The following C18orf63 variants were observed in gnomAD, a reference collection of about 807,000 sequenced individuals.
C18orf63 encodes uncharacterized protein C18orf63.
Under a neutral mutation model 75.3 loss-of-function variants are expected in C18orf63, and 50 were observed. That is an observed-to-expected ratio of 0.66 (90% CI 0.53 to 0.84). The LOEUF is 0.84. Among genes scored for constraint, C18orf63 ranks in the 40% least tolerant of loss-of-function variants. The pLI is 0.00. For synonymous variants in C18orf63, 232 were observed against 267.6 expected, an observed-to-expected ratio of 0.87 and a Z score of 1.30; for missense variants, 732 against 800.2, an observed-to-expected ratio of 0.91 and a Z score of 1.03.
At chr18:74,349,070 T>C (rs1984622093) in intron 11 of C18orf63, among the ~76,000 whole-genome samples, 1 of 152,212 alleles carries the variant, frequency 6.6e-6, no homozygotes, top group African/African-American at 2.4e-5. Flanking sequence ...AATCTGCCTA[T>C]GAGTTTTCTT....
At chr18:74,325,163 T>A (rs537031886) in intron 4 of C18orf63, among the ~76,000 whole-genome samples, 1 of 152,310 alleles carries the variant, frequency 6.6e-6, no homozygotes, top group South Asian at 2.1e-4. Flanking sequence ...TTTCTTTGTT[T>A]TGTAATATAG....
At chr18:74,348,960 A>G (rs2145130632) in intron 11 of C18orf63, among the ~76,000 whole-genome samples, 1 of 152,372 alleles carries the variant, frequency 6.6e-6, no homozygotes, top group Non-Finnish European at 1.5e-5. Flanking sequence ...TATTTCCAAA[A>G]GACAGCTGAA....
chr18:74,351,322 C>CAATACTCCTCCCATTGAGGTATGGGT (rs1984662902), intron 11 of C18orf63, among the ~76,000 whole-genome samples: 1 of 152,198 alleles, frequency 6.6e-6, no homozygotes, highest in African/African-American at 2.4e-5. Flanking sequence ...GGTCATGGGA[C>CAATACTCCTCCCATTGAGGTATGGGT]AATACTCCTC....
chr18:74,340,342 C>T (rs7231377), intron 8 of C18orf63, among the ~76,000 whole-genome samples: 118,594 of 152,160 alleles, frequency 0.78, 46,518 homozygotes, highest in African/African-American at 0.87. Context: ...ATTATCAAAA[C>T]GACAAAATAT....
intron 3 of C18orf63, 83 bp downstream of exon 3, chr18:74,320,674 G>T: frequency 1.3e-6 from 1 of 796,208 alleles, no homozygotes; most frequent in Non-Finnish European, 1.9e-6. Flanking sequence ...TATAGCTAAA[G>T]TTAAGATGTT....
intron 12 of C18orf63, 84 bp downstream of exon 12, chr18:74,354,352 G>T (rs1302487910): frequency 7.7e-7 from 1 of 1,290,656 alleles, no homozygotes; most frequent in African/African-American, 1.5e-5. Context: ...ATTTCCCTAA[G>T]ATCATTTAGA....
intron 13 of C18orf63, among the ~76,000 whole-genome samples, chr18:74,354,861 AT>A (rs757799621): frequency 3.9e-5 from 6 of 152,228 alleles, no homozygotes; most frequent in Non-Finnish European, 7.3e-5. Context: ...AAAATAGAAG[AT>A]TTGAACAGCT....
chr18:74,342,062 T>A lies in C18orf63; in HGVS notation c.642T>A (p.Phe214Leu). ...AAATGGGACAAATTATAAATATTTT[T>A]CATGCCATCCCCGCTGCCTGTCCTT... ...SMKMGQIINI[F>L]HAIPAACPFH... Residue 214 changes from phenylalanine (F) to leucine (L), a missense_variant, in exon 9 of 14, where the codon TTT (phenylalanine) becomes TTA (leucine). Phe to Leu is a conservative substitution (Grantham distance 22). Around this residue, in one of 3 missense-constraint regions of C18orf63, gnomAD observed 233 missense variants for 272.7 expected, o/e 0.85. Coordinates refer to ENST00000579455, the MANE Select transcript of C18orf63 (RefSeq NM_001174123.2). 1 of 1,526,362 alleles carries A rather than the reference T, an allele frequency of 6.6e-7. No individual in the cohort carries two copies. The highest frequency in any genetic ancestry group is 1.2e-5 in the South Asian group (1 of 83,268). 94.6% of individuals were successfully genotyped at this position (1,526,362 alleles called of 1,614,324 possible). A position where few individuals can be genotyped will look rare whatever the true frequency, so the allele number is the denominator to read the frequency against.
chr18:74,328,892 A>G (rs1984254171), intron 5 of C18orf63, 103 bp from the exon 6 acceptor site: 1 of 645,340 alleles, frequency 1.5e-6, no homozygotes, highest in Non-Finnish European at 2.7e-6. Context: ...ATTTTAAAGT[A>G]TTTTCTTTAG....
chr18:74,332,486 C>T (rs554844719), intron 7 of C18orf63, among the ~76,000 whole-genome samples: 2 of 152,212 alleles, frequency 1.3e-5, no homozygotes, highest in African/African-American at 2.4e-5. Flanking sequence ...GGGTGGATCA[C>T]GAGGTTAGGA....
chr18:74,327,558 C>T (rs997720195), intron 4 of C18orf63, among the ~76,000 whole-genome samples: 3 of 152,174 alleles, frequency 2.0e-5, no homozygotes, highest in Non-Finnish European at 4.4e-5. Context: ...AGCAGCCCAA[C>T]GTTCAGTTTG....
chr18:74,340,491 A>G (rs1984462774), intron 8 of C18orf63, among the ~76,000 whole-genome samples: 1 of 152,176 alleles, frequency 6.6e-6, no homozygotes, highest in Admixed American at 6.5e-5. Flanking sequence ...TGATCTAGCA[A>G]TCCCACTGCT....
intron 11 of C18orf63, among the ~76,000 whole-genome samples, chr18:74,348,839 C>T (rs1314511747): frequency 2.0e-5 from 3 of 151,986 alleles, no homozygotes; most frequent in South Asian, 4.2e-4. Flanking sequence ...GAGGTTTCCC[C>T]CTTTGAGCTA....
chr18:74,331,100 A>AT (rs1322162176), intron 7 of C18orf63, among the ~76,000 whole-genome samples, 158 bp downstream of exon 7: 1 of 152,114 alleles, frequency 6.6e-6, no homozygotes, highest in African/African-American at 2.4e-5. Context: ...TGATATATTT[A>AT]TGTCATTCTA....
chr18:74,334,383 T>G (rs1285908792), intron 7 of C18orf63, among the ~76,000 whole-genome samples: 1 of 152,072 alleles, frequency 6.6e-6, no homozygotes, highest in African/African-American at 2.4e-5. Context: ...CTTGTGAGGC[T>G]TTGATTACAG....
chr18:74,348,402 T>A (rs549522327), intron 11 of C18orf63, among the ~76,000 whole-genome samples: 3 of 152,294 alleles, frequency 2.0e-5, no homozygotes, highest in Non-Finnish European at 4.4e-5. Flanking sequence ...AGAAATACAC[T>A]GAGGTGGTGC....
At chr18:74,317,392 G>A (rs1048870595) in intron 1 of C18orf63, among the ~76,000 whole-genome samples, 3 of 152,138 alleles carry the variant, frequency 2.0e-5, no homozygotes, top group Non-Finnish European at 4.4e-5. Context: ...ATTTTCTGTC[G>A]TGTACAATGA....
At position 74,320,585 on chromosome 18, in the gene C18orf63, GAT is replaced by G. The variant is rs1159022185; in HGVS notation, c.208_209del (p.Met70GlyfsTer6). 1 of 1,528,000 alleles carries G rather than the reference GAT, an allele frequency of 6.5e-7. No homozygotes were observed. Among genetic ancestry groups the G allele is most frequent in the Non-Finnish European group, 8.8e-7 (1 of 1,140,280 alleles). The allele number at this position is 1,528,000 out of a possible 1,614,324, so 94.7% of individuals were successfully genotyped here. ...GAATATTAAACCAAATCTGGGTGGT[GAT>G]GGCGGTTAGTATTTTAATATTTTGT... Reference protein sequence around the residue: ...SGILNQIWVVMAIPFYKARKL... With the variant: ...SGILNQIWVVXAIPFYKARKL... On this transcript the variant is annotated frameshift_variant, in exon 3 of 14. Coordinates refer to ENST00000579455, the MANE Select transcript of C18orf63 (RefSeq NM_001174123.2). LOFTEE classifies it high-confidence loss of function.
intron 8 of C18orf63, among the ~76,000 whole-genome samples, chr18:74,340,653 C>G (rs1301728386): frequency 6.6e-6 from 1 of 151,964 alleles, no homozygotes; most frequent in Non-Finnish European, 1.5e-5. Context: ...GGTATATACA[C>G]AAATAGAATA....
Sources: allele counts gnomAD v4.1 joint callset (sites outside exome capture counted in the v4.1 genomes callset), GRCh38; gene constraint gnomAD v4.1.1; regional missense constraint gnomAD v4.1.1; transcripts MANE v1.5; gene names NCBI Gene and HGNC (gene_info 2026-07-23, HGNC 2026-07-21).